The following PPFIA3 variants were observed in gnomAD, a reference collection of about 807,000 sequenced individuals.
PPFIA3 encodes the protein PPFI scaffold protein A3.
In PPFIA3, 26 loss-of-function variants were observed where a neutral mutation model predicts 145.8. The observed-to-expected ratio is 0.18, with a 90% CI of 0.13 to 0.25. The LOEUF (loss-of-function observed/expected upper bound fraction) is 0.25, where lower values mean the gene tolerates loss of function less well. Ranked by LOEUF, PPFIA3 falls within the 10% of genes least tolerant of loss-of-function variation. PPFIA3 has a pLI of 1.00. For missense variants in PPFIA3, 1,008 were observed against 1,587.8 expected (o/e 0.63, Z 6.21); for synonymous variants, 645 against 661.4 (o/e 0.98, Z 0.38).
Position 49,128,711 on chromosome 19 carries a change from T to C in PPFIA3, c.343-137T>C. The stretch of plus-strand genomic sequence containing the variant: ...GTTCCTTGACCCCGACCTCCTCTCT[T>C]TTCCTGACCTGTCTCGGTGCTCCTT... On this transcript the variant is annotated intron_variant, in intron 3 of 29. Coordinates refer to ENST00000334186, the MANE Select transcript of PPFIA3 (RefSeq NM_003660.4). The surrounding 1 kb of genome is among the most constrained non-coding windows in gnomAD (Gnocchi z 4.1). The C allele has an allele frequency of 1.1e-6, 1 of 949,748 alleles. No homozygotes were observed. The allele number at this position is 949,748 out of a possible 1,614,324, so 58.8% of individuals were successfully genotyped here.
chr19:49,130,644 C>T lies in PPFIA3; in HGVS notation c.879+45C>T, dbSNP rs546397576. ...GGGCTGCCCTGGGTCCCTCGCCTTT[C>T]CGTAGAGCTCTCCCTCGCGCATTGC... On this transcript the variant is annotated intron_variant, in intron 7 of 29. Transcript: ENST00000334186. The surrounding 1 kb of genome is among the most constrained non-coding windows in gnomAD (Gnocchi z 4.5). 3.6e-5 allele frequency: 54 copies of T among 1,492,790 alleles called. No individual in the cohort carries two copies. The highest frequency in any genetic ancestry group is 4.6e-5 in the Non-Finnish European group (51 of 1,102,882). The allele number at this position is 1,492,790 out of a possible 1,614,324, so 92.5% of individuals were successfully genotyped here. A position where few individuals can be genotyped will look rare whatever the true frequency, so the allele number is the denominator to read the frequency against.
intron 19 of PPFIA3, 62 bp from the exon 20 acceptor site, chr19:49,141,972 A>G: frequency 7.4e-7 from 1 of 1,358,078 alleles, no homozygotes; most frequent in East Asian, 2.5e-5. Context: ...GATGGGGGCC[A>G]TCCACAGAGC....
chr19:49,139,892 G>A, intron 17 of PPFIA3, 61 bp downstream of exon 17: 2 of 1,612,280 alleles, frequency 1.2e-6, no homozygotes, highest in South Asian at 1.1e-5. Flanking sequence ...AGAAGGGGGT[G>A]GACAAGGACT....
Position 49,149,198 on chromosome 19 carries a change from G to A in PPFIA3, c.3285+30G>A, listed in dbSNP as rs1568442837. On this transcript the variant is annotated intron_variant, in intron 26 of 29. Transcript: ENST00000334186. The surrounding 1 kb of genome is among the most constrained non-coding windows in gnomAD (Gnocchi z 5.7). Reference sequence around the variant, plus strand: ...GCTGCCGCTGGGCCCGGAGCATGCTGGGCGTCCCCACCTCGCAGACTGCAC... The same window carrying A: ...GCTGCCGCTGGGCCCGGAGCATGCTAGGCGTCCCCACCTCGCAGACTGCAC... The A allele has an allele frequency of 3.1e-6, 5 of 1,613,886 alleles. No homozygotes were observed. The highest frequency in any genetic ancestry group is 1.3e-5 in the African/African-American group (1 of 75,054).
chr19:49,143,832 G>A (rs1184790457), intron 21 of PPFIA3, among the ~76,000 whole-genome samples: 6 of 152,206 alleles, frequency 3.9e-5, no homozygotes, highest in South Asian at 2.1e-4. Flanking sequence ...CTTGAAATAC[G>A]TGGGACCAGA....
At chr19:49,144,577 G>A (rs918685977) in intron 21 of PPFIA3, among the ~76,000 whole-genome samples, 5 of 152,038 alleles carry the variant, frequency 3.3e-5, no homozygotes, top group Non-Finnish European at 7.4e-5. Context: ...AGTCGGGTGT[G>A]GTGGCGTATA....
At chr19:49,121,505 G>A (rs769170192) in intron 1 of PPFIA3, among the ~76,000 whole-genome samples, 6 of 152,092 alleles carry the variant, frequency 3.9e-5, no homozygotes, top group South Asian at 2.1e-4. Flanking sequence ...GGCCAGGCGC[G>A]GTGGCTCATG....
chr19:49,145,855 TG>T lies in PPFIA3; in HGVS notation c.2746-86del. 3.4e-6 allele frequency: 4 copies of T among 1,164,898 alleles called. No individual in the cohort carries two copies. In the South Asian group the frequency reaches 4.9e-5, roughly 14 times the overall value. 72.2% of individuals were successfully genotyped at this position (1,164,898 alleles called of 1,614,324 possible). A position where few individuals can be genotyped will look rare whatever the true frequency, so the allele number is the denominator to read the frequency against. ...AGAAAGCAGGAGGGACATAAACGTGTGGCCCAGGGCCTTCAGGAGGACACCC... is the reference window on the plus strand; with the variant it reads ...AGAAAGCAGGAGGGACATAAACGTGTGCCCAGGGCCTTCAGGAGGACACCC... On this transcript the variant is annotated intron_variant, in intron 21 of 29. Transcript: ENST00000334186.
At chr19:49,146,804 T>G (rs1384554212) in intron 23 of PPFIA3, among the ~76,000 whole-genome samples, 3 of 151,986 alleles carry the variant, frequency 2.0e-5, no homozygotes, top group Admixed American at 1.3e-4. Context: ...GTGGCTAGCG[T>G]ATGTAATCCC....
intron 15 of PPFIA3, among the ~76,000 whole-genome samples, chr19:49,137,660 T>TAAAAAAAAAAAA (rs1325560140): frequency 1.7e-5 from 1 of 57,464 alleles, no homozygotes; most frequent in Non-Finnish European, 4.0e-5. Context: ...AAAAAAAAAG[T>TAAAAAAAAAAAA]CCCCAACTTA....
At position 49,124,625 on chromosome 19, in the gene PPFIA3, C is replaced by T. The variant is rs952136725; in HGVS notation, c.-15-3234C>T. On this transcript the variant is annotated intron_variant, in intron 1 of 29. Coordinates refer to ENST00000334186, the MANE Select transcript of PPFIA3 (RefSeq NM_003660.4). Reference sequence around the variant, plus strand: ...GAAAGCGTGGAAGCATACGTCTATTCCCCACCCTGTACTGTGTGTAGTAAC... The same window carrying T: ...GAAAGCGTGGAAGCATACGTCTATTTCCCACCCTGTACTGTGTGTAGTAAC... 3.9e-5 allele frequency among the ~76,000 whole-genome samples: 6 copies of T among 152,154 alleles called. No individual in the cohort carries two copies. The East Asian group carries it at 5.8e-4, about 15-fold the overall frequency.
At chr19:49,137,005 C>T in intron 15 of PPFIA3, 94 bp downstream of exon 15, 1 of 1,175,436 alleles carries the variant, frequency 8.5e-7, no homozygotes, top group Non-Finnish European at 1.1e-6. Context: ...GAGTCCGTCT[C>T]CTCTTACACC....
chr19:49,147,686 A>AAGAGAGAAAG (rs1555745406), intron 23 of PPFIA3, among the ~76,000 whole-genome samples: 1 of 145,710 alleles, frequency 6.9e-6, no homozygotes, highest in African/African-American at 2.6e-5. Context: ...CTCTTTCAGA[A>AAGAGAGAAAG]AGAGAGAGAG....
Position 49,130,379 on chromosome 19 carries a change from C to T in PPFIA3, c.659C>T (p.Thr220Ile), listed in dbSNP as rs2041053441. 4.4e-6 allele frequency: 7 copies of T among 1,602,574 alleles called. No individual in the cohort carries two copies. The highest frequency in any genetic ancestry group is 6.0e-6 in the Non-Finnish European group (7 of 1,174,500). Residue 220 changes from threonine (T) to isoleucine (I), a missense_variant and splice_region_variant, in exon 7 of 30, where the codon ACT (threonine) becomes ATT (isoleucine). By Grantham distance (89) the Thr-to-Ile change is moderately conservative. Around this residue, in one of 11 missense-constraint regions of PPFIA3, gnomAD observed 136 missense variants for 160.7 expected, o/e 0.85. Transcript: ENST00000334186. This position sits in a 1 kb window ranked among gnomAD's most constrained non-coding sequence, Gnocchi z 4.5. ...EEPGKDGDGQ[T>I]LANGLGPGGD... is the part of the protein sequence containing the mutation. ...TGTCCCCTCCTTCCCTCACTCCAGA[C>T]TCTTGCCAATGGCCTGGGTCCTGGC... is the stretch of plus-strand genomic sequence containing the variant.
chr19:49,143,248 A>T (rs1233304613), intron 21 of PPFIA3, among the ~76,000 whole-genome samples: 1 of 152,106 alleles, frequency 6.6e-6, no homozygotes, highest in Non-Finnish European at 1.5e-5. Context: ...TTGCTGTCCC[A>T]CTCAAATGTC....
At chr19:49,137,506 C>T (rs540254897) in intron 15 of PPFIA3, among the ~76,000 whole-genome samples, 83 of 151,602 alleles carry the variant, frequency 5.5e-4, no homozygotes, top group Admixed American at 4.3e-3. Flanking sequence ...GGCAGGCGCC[C>T]GTAGTCCCAG....
intron 23 of PPFIA3, among the ~76,000 whole-genome samples, chr19:49,147,331 C>A (rs1396114006): frequency 6.6e-6 from 1 of 152,040 alleles, no homozygotes; most frequent in African/African-American, 2.4e-5. Context: ...GCAGGAGGAC[C>A]GCTTGAGCCC....
chr19:49,135,526 C>A (rs2122585888), intron 13 of PPFIA3, among the ~76,000 whole-genome samples: 1 of 152,314 alleles, frequency 6.6e-6, no homozygotes, highest in South Asian at 2.1e-4. Flanking sequence ...GAGCCCACCA[C>A]CACATCCAGC....
chr19:49,138,443 T>A lies in PPFIA3; in HGVS notation c.2076+16T>A. 1 of 1,500,020 alleles carries A rather than the reference T, an allele frequency of 6.7e-7. No individual in the cohort carries two copies. The highest frequency in any genetic ancestry group is 8.9e-7 in the Non-Finnish European group (1 of 1,123,594). The allele number at this position is 1,500,020 out of a possible 1,614,324, so 92.9% of individuals were successfully genotyped here. ...CGACAAGGCTGTGAGTGCTCTGAAG[T>A]CTCCCCAGCCTAGTAGGGGGATGGG... On this transcript the variant is annotated intron_variant, in intron 16 of 29. Coordinates refer to ENST00000334186, the MANE Select transcript of PPFIA3 (RefSeq NM_003660.4).
Sources: allele counts gnomAD v4.1 joint callset (sites outside exome capture counted in the v4.1 genomes callset), GRCh38; gene constraint gnomAD v4.1.1; regional missense constraint gnomAD v4.1.1; non-coding constraint Gnocchi (gnomAD v3.1); transcripts MANE v1.5; gene names NCBI Gene and HGNC (gene_info 2026-07-23, HGNC 2026-07-21).